The following F13A1 variants were observed in gnomAD, a reference collection of about 807,000 sequenced individuals.
F13A1 encodes the protein coagulation factor XIII A chain, also known as FSF, A subunit.
F13A1 carries 47 observed loss-of-function variants against 80.1 expected under a neutral mutation model. That is an observed-to-expected ratio of 0.59 (90% CI 0.46 to 0.75). The LOEUF is 0.75. Among genes scored for constraint, F13A1 ranks in the 30% least tolerant of loss-of-function variants. The pLI, the probability that F13A1 is intolerant of heterozygous loss-of-function variation, is 0.00. For missense variants in F13A1, 817 were observed against 930.4 expected (o/e 0.88, Z 1.59); for synonymous variants, 349 against 344.9 (o/e 1.01, Z -0.13).
At chr6:6,175,042 G>C (rs1760857634) in intron 11 of F13A1, among the ~76,000 whole-genome samples, 175 bp from the exon 12 acceptor site, 1 of 152,176 alleles carries the variant, frequency 6.6e-6, no homozygotes, top group Admixed American at 6.5e-5. Flanking sequence ...TGCAAAGTCA[G>C]ATTGCCAGAC....
At chr6:6,299,781 G>T (rs1318253617) in intron 3 of F13A1, among the ~76,000 whole-genome samples, 1 of 148,220 alleles carries the variant, frequency 6.7e-6, no homozygotes, top group East Asian at 1.9e-4. Flanking sequence ...GCTTTGTTCC[G>T]TTGCTGGTGA....
chr6:6,207,030 T>C (rs1401033258), intron 8 of F13A1, among the ~76,000 whole-genome samples: 1 of 152,028 alleles, frequency 6.6e-6, no homozygotes, highest in Non-Finnish European at 1.5e-5. Flanking sequence ...TGATCACAGC[T>C]GACCTTTCCA....
intron 2 of F13A1, among the ~76,000 whole-genome samples, chr6:6,313,282 T>A (rs1339960797): frequency 2.7e-4 from 4 of 15,044 alleles, no homozygotes; most frequent in African/African-American, 1.2e-3. Flanking sequence ...TAAGCCGCCT[T>A]TTTTTTTTTT....
At chr6:6,272,794 T>C (rs1033890243) in intron 3 of F13A1, among the ~76,000 whole-genome samples, 1 of 152,202 alleles carries the variant, frequency 6.6e-6, no homozygotes, top group African/African-American at 2.4e-5. Context: ...CCCATAATGA[T>C]ATATACTTTC....
At chr6:6,228,731 CAAAAAAA>C (rs35068752) in intron 6 of F13A1, among the ~76,000 whole-genome samples, 3 of 72,686 alleles carry the variant, frequency 4.1e-5, no homozygotes, top group African/African-American at 1.0e-4. Flanking sequence ...GATCCTGTCT[CAAAAAAA>C]AAAAAAAAAA....
At chr6:6,278,760 G>A (rs1758022825) in intron 3 of F13A1, among the ~76,000 whole-genome samples, 1 of 152,174 alleles carries the variant, frequency 6.6e-6, no homozygotes, top group Non-Finnish European at 1.5e-5. Flanking sequence ...CTGGAGCAGG[G>A]GAAACCATGG....
chr6:6,219,855 T>G (rs1757166068), intron 8 of F13A1, among the ~76,000 whole-genome samples: 1 of 152,214 alleles, frequency 6.6e-6, no homozygotes, highest in African/African-American at 2.4e-5. Flanking sequence ...GTACTTGGGT[T>G]GATGGAAACA....
intron 13 of F13A1, among the ~76,000 whole-genome samples, chr6:6,152,268 G>T (rs1277938040): frequency 6.6e-6 from 1 of 152,194 alleles, no homozygotes; most frequent in Non-Finnish European, 1.5e-5. Flanking sequence ...CGTTTCCACG[G>T]TGAGGGCGGC....
intron 8 of F13A1, among the ~76,000 whole-genome samples, chr6:6,213,197 C>T (rs1214503809): frequency 4.6e-5 from 7 of 151,890 alleles, no homozygotes; most frequent in Admixed American, 1.3e-4. Flanking sequence ...AGATACTCCT[C>T]GAGACGAGCA....
rs757933066 is a variant in F13A1 at position 6,315,207 on chromosome 6, C to G, written c.130+3328G>C. ...ACATTTCCAGCTACACATAACCTTT[C>G]AGACCAGGAAGGCAGTGGAGAGATT... On this transcript the variant is annotated intron_variant, in intron 2 of 14. Transcript: ENST00000264870. Among the ~76,000 whole-genome samples, 20 of 152,246 alleles carry G rather than the reference C, an allele frequency of 1.3e-4. 1 individual carries two copies. Among genetic ancestry groups the G allele is most frequent in the Non-Finnish European group, 1.3e-4 (9 of 68,048 alleles).
chr6:6,212,722 A>C (rs1761641624), intron 8 of F13A1, among the ~76,000 whole-genome samples: 1 of 152,246 alleles, frequency 6.6e-6, no homozygotes, highest in African/African-American at 2.4e-5. Flanking sequence ...CAGACAATCA[A>C]ATTGCTCCGA....
chr6:6,253,162 AAGAGAGAG>A (rs60495036), intron 4 of F13A1, among the ~76,000 whole-genome samples: 1 of 106,344 alleles, frequency 9.4e-6, no homozygotes, highest in African/African-American at 4.4e-5. Flanking sequence ...AAAAAAAAAA[AAGAGAGAG>A]AGAGAGAGAG....
At chr6:6,294,817 A>G (rs996998963) in intron 3 of F13A1, among the ~76,000 whole-genome samples, 7 of 151,300 alleles carry the variant, frequency 4.6e-5, no homozygotes, top group African/African-American at 1.7e-4. Flanking sequence ...ATGTGTATAC[A>G]TGTGCCATGG....
chr6:6,197,816 G>T (rs1167358770), intron 8 of F13A1, among the ~76,000 whole-genome samples: 2 of 152,132 alleles, frequency 1.3e-5, no homozygotes, highest in Admixed American at 1.3e-4. Flanking sequence ...ATTCTCATTG[G>T]CATCCCTCAG....
intron 3 of F13A1, among the ~76,000 whole-genome samples, chr6:6,293,848 A>G (rs1384781433): frequency 6.6e-6 from 1 of 151,126 alleles, no homozygotes; most frequent in East Asian, 2.0e-4. Flanking sequence ...GTTAGAAGGC[A>G]GAATCACATA....
chr6:6,184,427 C>T (rs1249453558), intron 10 of F13A1, among the ~76,000 whole-genome samples: 1 of 152,182 alleles, frequency 6.6e-6, no homozygotes, highest in Non-Finnish European at 1.5e-5. Context: ...AAACGGTGGC[C>T]CTGCCCCTCA....
intron 6 of F13A1, among the ~76,000 whole-genome samples, chr6:6,231,366 C>T (rs1349915190): frequency 6.6e-6 from 1 of 151,564 alleles, no homozygotes; most frequent in African/African-American, 2.4e-5. Context: ...TAACCCAGTC[C>T]AAAAAGACAA....
In F13A1 at chr6:6,286,981, A is replaced by T. The variant is rs1758147913; in HGVS notation, c.319+18370T>A. On this transcript the variant is annotated intron_variant, in intron 3 of 14. Transcript: ENST00000264870. ...CTACATAGTTGCAATATTGAAAATA[A>T]GGCTGGTAATTGGGTCATCTTATTA... is the stretch of plus-strand genomic sequence containing the variant. 6.6e-5 allele frequency among the ~76,000 whole-genome samples: 10 copies of T among 152,356 alleles called. No individual in the cohort carries two copies. The South Asian group carries it at 2.1e-3, about 32-fold the overall frequency.
intron 2 of F13A1, among the ~76,000 whole-genome samples, chr6:6,312,091 G>A (rs1005270478): frequency 4.0e-5 from 6 of 150,226 alleles, no homozygotes; most frequent in African/African-American, 1.2e-4. Flanking sequence ...TTATTTCATT[G>A]CCCATGAGTC....
Sources: allele counts gnomAD v4.1 joint callset (sites outside exome capture counted in the v4.1 genomes callset), GRCh38; gene constraint gnomAD v4.1.1; transcripts MANE v1.5; gene names NCBI Gene and HGNC (gene_info 2026-07-23, HGNC 2026-07-21).